The following MAP4K4 variants were observed in gnomAD, a reference collection of about 807,000 sequenced individuals.
MAP4K4 encodes the protein HPK/GCK-like kinase HGK.
In MAP4K4, 38 loss-of-function variants were observed where a neutral mutation model predicts 189.6. The observed-to-expected ratio is 0.20, with a 90% CI of 0.15 to 0.26. MAP4K4 has a LOEUF of 0.26. Among genes scored for constraint, MAP4K4 ranks in the 10% least tolerant of loss-of-function variants. The pLI is 1.00. For synonymous variants in MAP4K4, 610 were observed against 624.3 expected (o/e 0.98, Z 0.34); for missense variants, 1,054 against 1,726.9 (o/e 0.61, Z 6.91).
At chr2:101,814,225 A>T (rs1343667686) in intron 3 of MAP4K4, among the ~76,000 whole-genome samples, 2 of 152,214 alleles carry the variant, frequency 1.3e-5, no homozygotes, top group African/African-American at 4.8e-5. Flanking sequence ...ATGTATGCTT[A>T]TCCCTGAATT....
intron 10 of MAP4K4, among the ~76,000 whole-genome samples, chr2:101,840,308 C>A (rs934722419): frequency 5.3e-5 from 8 of 152,156 alleles, no homozygotes; most frequent in Admixed American, 3.3e-4. Flanking sequence ...GTATATTTCA[C>A]TGGGGTGTAT....
At chr2:101,698,444 T>C (rs756421526) in intron 1 of MAP4K4, 29 bp from the exon 2 acceptor site, 1 of 1,598,794 alleles carries the variant, frequency 6.3e-7, no homozygotes, top group Non-Finnish European at 8.6e-7. Flanking sequence ...TTCTTTTAAA[T>C]GATAACCCCT....
intron 2 of MAP4K4, among the ~76,000 whole-genome samples, chr2:101,704,401 A>C (rs1245716778): frequency 3.3e-5 from 5 of 151,814 alleles, no homozygotes; most frequent in Non-Finnish European, 5.9e-5. Context: ...CCACCAAACA[A>C]AACCCTGCTG....
At chr2:101,823,969 G>A in exon 4 of MAP4K4, 1 of 1,608,736 alleles carries the variant, frequency 6.2e-7, no homozygotes, top group Non-Finnish European at 8.5e-7. Context: ...ATATGCTAAA[G>A]AAATACTCTC....
At chr2:101,892,803 A>C in exon 33 of MAP4K4, 1 of 426,028 alleles carries the variant, frequency 2.3e-6, no homozygotes, top group Non-Finnish European at 4.8e-6. Context: ...CTTGAGAAAG[A>C]ATTTGTTTCA....
intron 2 of MAP4K4, among the ~76,000 whole-genome samples, chr2:101,718,309 T>A (rs1196443177): frequency 6.6e-6 from 1 of 152,080 alleles, no homozygotes; most frequent in Non-Finnish European, 1.5e-5. Context: ...CCATCTCCTT[T>A]ATGTACATTT....
intron 3 of MAP4K4, among the ~76,000 whole-genome samples, chr2:101,814,162 T>G (rs577060345): frequency 5.8e-4 from 89 of 152,352 alleles, no homozygotes; most frequent in African/African-American, 1.9e-3. Flanking sequence ...TCCAGATACA[T>G]GCTATCACAT....
intron 12 of MAP4K4, among the ~76,000 whole-genome samples, chr2:101,848,047 A>T (rs1000345723): frequency 2.0e-5 from 3 of 152,234 alleles, no homozygotes; most frequent in African/African-American, 7.2e-5. Context: ...AATAGGCTAC[A>T]CCATATGGCC....
intron 2 of MAP4K4, among the ~76,000 whole-genome samples, chr2:101,701,048 A>G (rs1419928555): frequency 6.6e-6 from 1 of 152,182 alleles, no homozygotes; most frequent in Non-Finnish European, 1.5e-5. Context: ...AATAGCATTA[A>G]AGTTTGAGAA....
intron 12 of MAP4K4, among the ~76,000 whole-genome samples, chr2:101,845,895 T>C (rs1359362446): frequency 6.6e-6 from 1 of 152,246 alleles, no homozygotes; most frequent in Non-Finnish European, 1.5e-5. Flanking sequence ...TGTATTGATA[T>C]TATCCAGTGG....
intron 2 of MAP4K4, among the ~76,000 whole-genome samples, chr2:101,737,409 G>A (rs1429168368): frequency 1.7e-5 from 2 of 117,508 alleles, no homozygotes; most frequent in African/African-American, 6.4e-5. Context: ...TTGTCAGTTA[G>A]GATTTACCTA....
At chr2:101,853,234 CTG>C (rs1369442491) in intron 12 of MAP4K4, among the ~76,000 whole-genome samples, 2 of 152,108 alleles carry the variant, frequency 1.3e-5, no homozygotes, top group Non-Finnish European at 2.9e-5. Context: ...TTACCAGACA[CTG>C]AGAAAAATCT....
At chr2:101,798,391 G>A (rs971858842) in intron 3 of MAP4K4, among the ~76,000 whole-genome samples, 4 of 152,170 alleles carry the variant, frequency 2.6e-5, no homozygotes, top group South Asian at 4.1e-4. Flanking sequence ...TACAAAATAC[G>A]AAAATTCTCT....
In MAP4K4 at chr2:101,877,970, T is replaced by C. The variant is rs544650735; in HGVS notation, c.3385+824T>C. Among the ~76,000 whole-genome samples, 11 of 152,226 alleles carry C rather than the reference T, an allele frequency of 7.2e-5. No homozygotes were observed. The South Asian group carries it at 1.0e-3, about 14-fold the overall frequency. On this transcript the variant is annotated intron_variant, in intron 27 of 32. Transcript: ENST00000324219. ...TTCACCATGTTAGCCAGGATGGTCT[T>C]GATCTCCTGACCTCATGATCCACCC... is the stretch of plus-strand genomic sequence containing the variant.
chr2:101,809,156 G>A (rs1403559484), intron 3 of MAP4K4, among the ~76,000 whole-genome samples: 1 of 151,948 alleles, frequency 6.6e-6, no homozygotes. Context: ...CTTTTTTCTA[G>A]TCACCACTTC....
At chr2:101,775,168 G>C (rs184132579) in intron 2 of MAP4K4, among the ~76,000 whole-genome samples, 19 of 151,220 alleles carry the variant, frequency 1.3e-4, no homozygotes, top group Admixed American at 8.6e-4. Context: ...GAGTGGCTTT[G>C]TGGGGCCATT....
At chr2:101,749,818 AAAAC>A (rs1479059272) in intron 2 of MAP4K4, among the ~76,000 whole-genome samples, 3 of 136,406 alleles carry the variant, frequency 2.2e-5, no homozygotes, top group Non-Finnish European at 4.6e-5. Context: ...TTACAAGAAA[AAAAC>A]AAACAACCCC....
At chr2:101,797,756 ATTTAT>A (rs1157722714) in intron 3 of MAP4K4, among the ~76,000 whole-genome samples, 1 of 151,980 alleles carries the variant, frequency 6.6e-6, no homozygotes, top group East Asian at 1.9e-4. Context: ...TTAATTATTG[ATTTAT>A]TTTAACAAGT....
At chr2:101,803,821 C>A (rs2094627219) in intron 3 of MAP4K4, among the ~76,000 whole-genome samples, 1 of 152,112 alleles carries the variant, frequency 6.6e-6, no homozygotes, top group South Asian at 2.1e-4. Context: ...TAGCATAATA[C>A]CCTGACAGAA....
Sources: allele counts gnomAD v4.1 joint callset (sites outside exome capture counted in the v4.1 genomes callset), GRCh38; gene constraint gnomAD v4.1.1; transcripts MANE v1.5; gene names NCBI Gene and HGNC (gene_info 2026-07-23, HGNC 2026-07-21).